SHISA6: variants seen among roughly 807,000 people sequenced by gnomAD.
SHISA6 encodes the protein shisa family member 6.
Under a neutral mutation model 47.9 loss-of-function variants are expected in SHISA6, and 22 were observed. That is an observed-to-expected ratio of 0.46 (90% CI 0.33 to 0.66). SHISA6 has a LOEUF of 0.66. Among genes scored for constraint, SHISA6 ranks in the 30% least tolerant of loss-of-function variants. SHISA6 has a pLI of 0.02. For synonymous variants in SHISA6, 388 were observed against 337.8 expected, an observed-to-expected ratio of 1.15 and a Z score of -1.63; for missense variants, 680 against 764.6, an observed-to-expected ratio of 0.89 and a Z score of 1.30.
At chr17:11,464,755 C>T (rs1175588021) in intron 3 of SHISA6, among the ~76,000 whole-genome samples, 1 of 152,144 alleles carries the variant, frequency 6.6e-6, no homozygotes, top group African/African-American at 2.4e-5. Flanking sequence ...CCAGCCTGGC[C>T]AACATGGTGA....
chr17:11,418,160 T>TTATGC (rs1914339969), intron 3 of SHISA6, among the ~76,000 whole-genome samples: 1 of 152,194 alleles, frequency 6.6e-6, no homozygotes, highest in African/African-American at 2.4e-5. Flanking sequence ...TAATGGTTCT[T>TTATGC]TATGCTCTGT....
chr17:11,354,470 C>T (rs1912011469), intron 2 of SHISA6, among the ~76,000 whole-genome samples: 1 of 152,160 alleles, frequency 6.6e-6, no homozygotes, highest in East Asian at 1.9e-4. Flanking sequence ...TGGACATCCA[C>T]CAAGCAGGGA....
intron 3 of SHISA6, among the ~76,000 whole-genome samples, chr17:11,546,135 A>C (rs1271872605): frequency 6.6e-6 from 1 of 152,236 alleles, no homozygotes; most frequent in Non-Finnish European, 1.5e-5. Flanking sequence ...GACTGACTTT[A>C]TCTCTTCCAA....
intron 2 of SHISA6, among the ~76,000 whole-genome samples, chr17:11,349,094 C>A (rs1911789263): frequency 6.6e-6 from 1 of 152,142 alleles, no homozygotes; most frequent in Admixed American, 6.5e-5. Flanking sequence ...TAATTTTATG[C>A]CACTGGATAA....
intron 3 of SHISA6, among the ~76,000 whole-genome samples, chr17:11,462,141 G>A (rs1262146317): frequency 2.6e-5 from 4 of 152,124 alleles, no homozygotes; most frequent in Non-Finnish European, 5.9e-5. Flanking sequence ...GTGACAGGTA[G>A]CAGAGATTAA....
chr17:11,359,192 G>A (rs149874275), intron 2 of SHISA6, among the ~76,000 whole-genome samples: 1 of 152,076 alleles, frequency 6.6e-6, no homozygotes, highest in African/African-American at 2.4e-5. Context: ...TTGCTTCCTT[G>A]CTGTCATGTT....
At chr17:11,388,080 C>A (rs936698863) in intron 3 of SHISA6, among the ~76,000 whole-genome samples, 28 of 152,104 alleles carry the variant, frequency 1.8e-4, no homozygotes, top group African/African-American at 6.8e-4. Context: ...GGGCAAGAAC[C>A]CCAGACCAAC....
intron 2 of SHISA6, among the ~76,000 whole-genome samples, chr17:11,358,019 T>A (rs927546680): frequency 6.6e-6 from 1 of 152,374 alleles, no homozygotes; most frequent in African/African-American, 2.4e-5. Context: ...TATTAACTTT[T>A]AAATTTTTAA....
intron 3 of SHISA6, among the ~76,000 whole-genome samples, chr17:11,435,568 T>C (rs1008201652): frequency 6.6e-6 from 1 of 152,202 alleles, no homozygotes. Context: ...AAGTCATCTT[T>C]GTTAAAAAAC....
intron 2 of SHISA6, among the ~76,000 whole-genome samples, chr17:11,349,218 T>C (rs1012936181): frequency 1.3e-5 from 2 of 152,206 alleles, no homozygotes; most frequent in African/African-American, 4.8e-5. Flanking sequence ...CATTTCGCCA[T>C]TGTTTCTGCC....
intron 2 of SHISA6, among the ~76,000 whole-genome samples, chr17:11,318,438 T>G (rs1391403604): frequency 1.3e-5 from 2 of 152,188 alleles, no homozygotes; most frequent in Non-Finnish European, 2.9e-5. Context: ...AGCTGTTCCA[T>G]CTTCTTAGAA....
intron 4 of SHISA6, among the ~76,000 whole-genome samples, chr17:11,554,517 G>A (rs956783627): frequency 1.3e-5 from 2 of 152,056 alleles, no homozygotes; most frequent in Admixed American, 6.5e-5. Context: ...TGCTTTCCAC[G>A]TTTCCACACT....
intron 2 of SHISA6, among the ~76,000 whole-genome samples, chr17:11,345,927 C>T (rs374140229): frequency 3.3e-5 from 5 of 151,356 alleles, no homozygotes; most frequent in African/African-American, 1.2e-4. Flanking sequence ...TTCTCTCTTT[C>T]TTTCCAATTT....
chr17:11,297,360 C>A (rs1909787741), intron 2 of SHISA6, among the ~76,000 whole-genome samples: 1 of 152,080 alleles, frequency 6.6e-6, no homozygotes, highest in Admixed American at 6.6e-5. Context: ...CAATGAATAG[C>A]CCAAGATAAT....
At chr17:11,259,841 T>A (rs1908157738) in intron 1 of SHISA6, among the ~76,000 whole-genome samples, 1 of 152,310 alleles carries the variant, frequency 6.6e-6, no homozygotes, top group African/African-American at 2.4e-5. Context: ...GTGAAATGTA[T>A]GTAAGAGGCA....
intron 3 of SHISA6, among the ~76,000 whole-genome samples, chr17:11,517,771 T>C (rs2071597684): frequency 6.6e-6 from 1 of 152,108 alleles, no homozygotes; most frequent in East Asian, 1.9e-4. Context: ...CCCAAAGTAC[T>C]GGGATTTACA....
chr17:11,257,488 C>G (rs1908059942), intron 1 of SHISA6, among the ~76,000 whole-genome samples: 1 of 151,886 alleles, frequency 6.6e-6, no homozygotes, highest in Non-Finnish European at 1.5e-5. Flanking sequence ...TGGTGAAACT[C>G]TGTCTCTACA....
Position 11,401,761 on chromosome 17 carries a change from C to T in SHISA6, c.895+22252C>T, listed in dbSNP as rs1386866230. The stretch of plus-strand genomic sequence containing the variant: ...CCATGTGGTACCTCAGAAATTTATA[C>T]TAACGGAGGTTCTGCCATCCTGTAG... On this transcript the variant is annotated intron_variant, in intron 3 of 5. Coordinates refer to ENST00000441885, the MANE Select transcript of SHISA6 (RefSeq NM_207386.4). Among the ~76,000 whole-genome samples, 7 of 152,302 alleles carry T rather than the reference C, an allele frequency of 4.6e-5. No homozygotes were observed. The East Asian group carries it at 1.4e-3, about 29-fold the overall frequency.
intron 2 of SHISA6, among the ~76,000 whole-genome samples, chr17:11,350,174 A>ATTTTTTTTTTTT (rs1310542458): frequency 5.0e-5 from 5 of 100,384 alleles, no homozygotes; most frequent in Admixed American, 1.3e-4. Context: ...TTATTTATTT[A>ATTTTTTTTTTTT]TTTATTTATT....
Sources: allele counts gnomAD v4.1 joint callset (sites outside exome capture counted in the v4.1 genomes callset), GRCh38; gene constraint gnomAD v4.1.1; transcripts MANE v1.5; gene names NCBI Gene and HGNC (gene_info 2026-07-23, HGNC 2026-07-21).